The following PCDHGB7 variants were observed in gnomAD, a reference collection of about 807,000 sequenced individuals.
PCDHGB7 encodes protocadherin gamma subfamily B, 7.
In PCDHGB7, 37 loss-of-function variants were observed where a neutral mutation model predicts 61.4. The observed-to-expected ratio is 0.60, with a 90% confidence interval of 0.46 to 0.79. The LOEUF (loss-of-function observed/expected upper bound fraction) is 0.79. PCDHGB7 is among the 30% of genes least tolerant of loss of function. The probability of loss-of-function intolerance (pLI) is 0.00; values close to 1 mark genes in which losing one functional copy is unlikely to be tolerated. For missense variants in PCDHGB7, 1,166 were observed against 1,202.5 expected (o/e 0.97, Z 0.45); for synonymous variants, 464 against 503.5 (o/e 0.92, Z 1.05).
chr5:141,441,289 T>C (rs1350801949), intron 1 of PCDHGB7: 1 of 152,212 alleles, frequency 6.6e-6, no homozygotes, highest in Non-Finnish European at 1.5e-5. Flanking sequence ...CGAGGTCACA[T>C]GTCTGATATA....
intron 1 of PCDHGB7, among the ~76,000 whole-genome samples, chr5:141,457,440 A>G (rs188608086): frequency 3.9e-5 from 6 of 152,334 alleles, no homozygotes; most frequent in Non-Finnish European, 8.8e-5. Flanking sequence ...ACCAAGCTGC[A>G]GAAGATCACC....
In PCDHGB7 at chr5:141,486,671, C is replaced by A. The variant is rs1307620045; in HGVS notation, c.2416-8136C>A. On this transcript the variant is annotated intron_variant, in intron 1 of 3. Coordinates refer to ENST00000398594, the MANE Select transcript of PCDHGB7 (RefSeq NM_018927.4). The surrounding 1 kb of genome is among the most constrained non-coding windows in gnomAD (Gnocchi z 5.0). The stretch of plus-strand genomic sequence containing the variant: ...CTACTCACTCCTGGAGCCCAGGAAT[C>A]GAGATGTATCAGCTTCCTCTTTCAT... 1.9e-6 allele frequency: 3 copies of A among 1,614,044 alleles called. No individual in the cohort carries two copies. The highest frequency in any genetic ancestry group is 2.5e-6 in the Non-Finnish European group (3 of 1,180,014).
intron 1 of PCDHGB7, among the ~76,000 whole-genome samples, chr5:141,439,243 T>C (rs2098101178): frequency 6.6e-6 from 1 of 151,962 alleles, no homozygotes; most frequent in Non-Finnish European, 1.5e-5. Flanking sequence ...CCTATACAAT[T>C]TCAGCTGAAG....
intron 1 of PCDHGB7, chr5:141,440,359 G>T (rs932656332): frequency 5.3e-5 from 8 of 152,106 alleles, no homozygotes; most frequent in Non-Finnish European, 1.2e-4. Context: ...CTAGCTACTC[G>T]GGGGGCCGAG....
Position 141,491,466 on chromosome 5 carries a change from T to G in PCDHGB7, c.2416-3341T>G. The G allele has an allele frequency of 6.2e-7, 1 of 1,614,068 alleles. No individual in the cohort carries two copies. Among genetic ancestry groups the G allele is most frequent in the Non-Finnish European group, 8.5e-7 (1 of 1,179,986 alleles). ...AGGACTCACCCTCCCCGGACTTCTA[T>G]AAGCAGTCCAGCCCCAACCTGCAGG... On this transcript the variant is annotated intron_variant, in intron 1 of 3. Coordinates refer to ENST00000398594, the MANE Select transcript of PCDHGB7 (RefSeq NM_018927.4). This position sits in a 1 kb window ranked among gnomAD's most constrained non-coding sequence, Gnocchi z 6.9.
At chr5:141,500,222 T>TGA (rs1355843194) in intron 2 of PCDHGB7, among the ~76,000 whole-genome samples, 1 of 146,758 alleles carries the variant, frequency 6.8e-6, no homozygotes, top group Non-Finnish European at 1.5e-5. Flanking sequence ...ATTTATTTAT[T>TGA]TATTGATACG....
Position 141,491,509 on chromosome 5 carries a change from C to T in PCDHGB7, c.2416-3298C>T. 6.2e-7 allele frequency: 1 copy of T among 1,614,058 alleles called. No individual in the cohort carries two copies. Among genetic ancestry groups the T allele is most frequent in the Non-Finnish European group, 8.5e-7 (1 of 1,180,022 alleles). On this transcript the variant is annotated intron_variant, in intron 1 of 3. Coordinates refer to ENST00000398594, the MANE Select transcript of PCDHGB7 (RefSeq NM_018927.4). The surrounding 1 kb of genome is among the most constrained non-coding windows in gnomAD (Gnocchi z 6.9). Reference sequence around the variant, plus strand: ...CCTGCAGGTGAGCTCGGACGGCACGCTCAAGTACATGGAGGTGACGCTGCG... The same window carrying T: ...CCTGCAGGTGAGCTCGGACGGCACGTTCAAGTACATGGAGGTGACGCTGCG...
rs1561863226 is a variant in PCDHGB7, at chr5:141,432,653, C to T, written c.2415+12379C>T. On this transcript the variant is annotated intron_variant, in intron 1 of 3. Transcript: ENST00000398594. The surrounding 1 kb of genome is among the most constrained non-coding windows in gnomAD (Gnocchi z 6.0). Reference sequence around the variant, plus strand: ...GGGCGAGGTGCGCACGGCGCGAGCCCTGCTGGACAGAGACGCGCTCAAGCA... The same window carrying T: ...GGGCGAGGTGCGCACGGCGCGAGCCTTGCTGGACAGAGACGCGCTCAAGCA... 5 of 1,613,852 alleles carry T rather than the reference C, an allele frequency of 3.1e-6. No individual in the cohort carries two copies. In the South Asian group the frequency reaches 4.4e-5, roughly 14 times the overall value.
Position 141,418,428 on chromosome 5 carries a change from A to G in PCDHGB7, c.569A>G (p.Lys190Arg). 6.2e-7 allele frequency: 1 copy of G among 1,613,980 alleles called. No individual in the cohort carries two copies. Among genetic ancestry groups the G allele is most frequent in the Non-Finnish European group, 8.5e-7 (1 of 1,179,872 alleles). ...LVEKDNPDGG[K>R]YPELVLQKTL... is the part of the protein sequence containing the mutation. ...GAGAAAGACAATCCTGATGGTGGCA[A>G]ATATCCAGAATTAGTATTGCAGAAG... Residue 190 changes from lysine to arginine, a missense_variant, in exon 1 of 4, where the codon AAA (lysine) becomes AGA (arginine). Lys to Arg is a conservative substitution (Grantham distance 26). Coordinates refer to ENST00000398594, the MANE Select transcript of PCDHGB7 (RefSeq NM_018927.4).
Position 141,491,905 on chromosome 5 carries a change from G to A in PCDHGB7, c.2416-2902G>A. 7.1e-7 allele frequency: 1 copy of A among 1,418,328 alleles called. No individual in the cohort carries two copies. Among genetic ancestry groups the A allele is most frequent in the Non-Finnish European group, 9.3e-7 (1 of 1,069,952 alleles). 87.9% of individuals were successfully genotyped at this position (1,418,328 alleles called of 1,614,324 possible). ...GATGGGGCTCCGAGCACCGGGGGTG[G>A]TGGCGACTGTGGGCGAGGGGAGGTG... On this transcript the variant is annotated intron_variant, in intron 1 of 3. Transcript: ENST00000398594. This position sits in a 1 kb window ranked among gnomAD's most constrained non-coding sequence, Gnocchi z 6.9.
At chr5:141,436,471 A>G (rs1249793994) in intron 1 of PCDHGB7, among the ~76,000 whole-genome samples, 1 of 152,204 alleles carries the variant, frequency 6.6e-6, no homozygotes, top group Non-Finnish European at 1.5e-5. Flanking sequence ...TTTCAGATGT[A>G]TCATAGAAGG....
At chr5:141,464,426 G>GAT (rs1287556960) in intron 1 of PCDHGB7, among the ~76,000 whole-genome samples, 1 of 151,096 alleles carries the variant, frequency 6.6e-6, no homozygotes, top group African/African-American at 2.4e-5. Flanking sequence ...TATATATATA[G>GAT]ATATATATGT....
Position 141,489,111 on chromosome 5 carries a change from C to T in PCDHGB7, c.2416-5696C>T. The T allele has an allele frequency of 1.9e-6, 1 of 518,040 alleles. No individual in the cohort carries two copies. Among genetic ancestry groups the T allele is most frequent in the African/African-American group, 1.9e-5 (1 of 51,336 alleles). The allele number at this position is 518,040 out of a possible 1,614,324, so 32.1% of individuals were successfully genotyped here. ...GTGACTAAGAACTGCTGCAAGCAGG[C>T]AAACCTCCGAGCAGTTTTTAAGAGG... On this transcript the variant is annotated intron_variant, in intron 1 of 3. Transcript: ENST00000398594. This position sits in a 1 kb window ranked among gnomAD's most constrained non-coding sequence, Gnocchi z 4.5.
chr5:141,423,751 G>GT, intron 1 of PCDHGB7: 12 of 349,026 alleles, frequency 3.4e-5, no homozygotes, highest in Non-Finnish European at 4.3e-5. Context: ...AAAACTGTTT[G>GT]GGGGGGGGGT....
rs138070043 is a variant in PCDHGB7, at chr5:141,512,950, AAAT to A, written c.*1783_*1785del. 5,271 of 152,332 alleles carry A rather than the reference AAAT, an allele frequency of 0.035. 119 individuals carry two copies. The highest frequency in any genetic ancestry group is 0.075 in the South Asian group (360 of 4,826). The allele number at this position is 152,332 out of a possible 1,614,324, so 9.4% of individuals were successfully genotyped here. On this transcript the variant is annotated 3_prime_UTR_variant, in exon 4 of 4. Coordinates refer to ENST00000398594, the MANE Select transcript of PCDHGB7 (RefSeq NM_018927.4). ...ATATGGCTTTTTTTCTTCGACAAAA[AAAT>A]AATAAAACGTTTCTTCTGAAAAGCT...
chr5:141,434,992 C>A (rs2097735368), intron 1 of PCDHGB7, among the ~76,000 whole-genome samples: 1 of 151,902 alleles, frequency 6.6e-6, no homozygotes, highest in Non-Finnish European at 1.5e-5. Context: ...ATATCATTTT[C>A]TAGCTGAATT....
Position 141,476,369 on chromosome 5 carries a change from G to A in PCDHGB7, c.2416-18438G>A, listed in dbSNP as rs1178923246. 1.9e-6 allele frequency: 3 copies of A among 1,614,098 alleles called. No homozygotes were observed. The African/African-American group carries it at 4.0e-5, about 22-fold the overall frequency. ...CTTTGAGGTGAACCGGGAGACCGGA[G>A]AGATGTTTGTGAACGACCGTCTGGA... On this transcript the variant is annotated intron_variant, in intron 1 of 3. Transcript: ENST00000398594. This position sits in a 1 kb window ranked among gnomAD's most constrained non-coding sequence, Gnocchi z 7.6.
At chr5:141,420,370 T>A in intron 1 of PCDHGB7, 96 bp downstream of exon 1, 1 of 1,352,032 alleles carries the variant, frequency 7.4e-7, no homozygotes, top group South Asian at 1.8e-5. Flanking sequence ...GATAACTTCT[T>A]CATAGAGTTC....
chr5:141,438,152 G>A (rs184819165), intron 1 of PCDHGB7, among the ~76,000 whole-genome samples: 1 of 152,250 alleles, frequency 6.6e-6, no homozygotes, highest in African/African-American at 2.4e-5. Flanking sequence ...CCAGCCTATG[G>A]CAAAGCTAAT....
Sources: gnomAD v4.1 joint callset for allele counts (sites outside exome capture counted in the v4.1 genomes callset) on GRCh38, gnomAD v4.1.1 for gene constraint, Gnocchi (gnomAD v3.1) non-coding constraint, MANE v1.5 for transcripts, NCBI Gene and HGNC (gene_info 2026-07-23, HGNC 2026-07-21) for gene names.